PIK3C2G: variants seen among roughly 807,000 people sequenced by gnomAD.
The protein encoded by PIK3C2G is phosphatidylinositol-4-phosphate 3-kinase catalytic subunit type 2 gamma, also known as phosphatidylinositol 3-kinase C2 domain-containing subunit gamma.
A neutral mutation model predicts 181.1 loss-of-function variants in PIK3C2G; 168 were observed. That is an observed-to-expected ratio of 0.93 (90% CI 0.82 to 1.05). The LOEUF is 1.05. Ranked by LOEUF, PIK3C2G falls within the 50% of genes least tolerant of loss-of-function variation. The pLI, the probability that PIK3C2G is intolerant of heterozygous loss-of-function variation, is 0.00. For missense variants in PIK3C2G, 1,869 were observed against 1,732.8 expected (o/e 1.08, Z -1.40); for synonymous variants, 573 against 592.2 (o/e 0.97, Z 0.47).
chr12:18,540,618 A>T (rs2136248238), intron 25 of PIK3C2G, among the ~76,000 whole-genome samples: 1 of 152,020 alleles, frequency 6.6e-6, no homozygotes, highest in East Asian at 1.9e-4. Flanking sequence ...TATTTTATTC[A>T]TAAGTATTAA....
chr12:18,487,194 G>A (rs1019718382), intron 18 of PIK3C2G, among the ~76,000 whole-genome samples: 1 of 150,548 alleles, frequency 6.6e-6, no homozygotes, highest in Non-Finnish European at 1.5e-5. Flanking sequence ...TATTTCCTTT[G>A]AGAAAATAAA....
At chr12:18,500,521 G>A (rs1417209751) in intron 22 of PIK3C2G, among the ~76,000 whole-genome samples, 1 of 152,212 alleles carries the variant, frequency 6.6e-6, no homozygotes, top group African/African-American at 2.4e-5. Context: ...TAAGGGCTGA[G>A]GAGTGTGGGC....
intron 5 of PIK3C2G, among the ~76,000 whole-genome samples, chr12:18,297,468 T>C (rs939922496): frequency 1.9e-4 from 29 of 152,106 alleles, no homozygotes; most frequent in Non-Finnish European, 7.4e-5. Context: ...ACATAGAATG[T>C]ATAATGATCA....
intron 18 of PIK3C2G, among the ~76,000 whole-genome samples, chr12:18,432,247 A>T (rs1565716323): frequency 6.6e-6 from 1 of 152,232 alleles, no homozygotes; most frequent in Admixed American, 6.5e-5. Flanking sequence ...AAAGAGCTCC[A>T]GCATCAATGT....
chr12:18,682,889 T>G, the PIK3C2G span, among the ~76,000 whole-genome samples: 1 of 152,058 alleles, frequency 6.6e-6, no homozygotes, highest in African/African-American at 2.4e-5. Context: ...TTCACATTTC[T>G]TTTATACTGC....
downstream of PIK3C2G, among the ~76,000 whole-genome samples, chr12:18,650,318 TCTCTCTCTCTC>T (rs1950371067): frequency 9.5e-6 from 1 of 105,446 alleles, no homozygotes; most frequent in Non-Finnish European, 1.9e-5. Flanking sequence ...TCTCTCTCTC[TCTCTCTCTCTC>T]TCTATATATA....
At chr12:18,346,952 A>G in intron 11 of PIK3C2G, 116 bp downstream of exon 11, 1 of 557,036 alleles carries the variant, frequency 1.8e-6, no homozygotes, top group Non-Finnish European at 3.0e-6. Flanking sequence ...TTTGGAATTA[A>G]TCAGCATAGT....
At chr12:18,370,171 G>A (rs1012629811) in intron 12 of PIK3C2G, among the ~76,000 whole-genome samples, 1 of 152,144 alleles carries the variant, frequency 6.6e-6, no homozygotes, top group Non-Finnish European at 1.5e-5. Flanking sequence ...TATTAGGGAT[G>A]CCAGATCACA....
Position 18,382,645 on chromosome 12 carries a change from C to A in PIK3C2G, c.1995+765C>A, listed in dbSNP as rs189822090. Among the ~76,000 whole-genome samples, 786 of 152,236 alleles carry A rather than the reference C, an allele frequency of 5.2e-3. 3 individuals are homozygous for A. Among genetic ancestry groups the A allele is most frequent in the Non-Finnish European group, 8.4e-3 (571 of 68,026 alleles). On this transcript the variant is annotated intron_variant, in intron 14 of 32. Coordinates refer to ENST00000538779, the MANE Select transcript of PIK3C2G (RefSeq NM_001288772.2). Reference sequence around the variant, plus strand: ...AGAATGCTTTGTGGTGGGGGCTGCTCTGTGTATTTCAGGATGTTTAGCAAC... The same window carrying A: ...AGAATGCTTTGTGGTGGGGGCTGCTATGTGTATTTCAGGATGTTTAGCAAC...
intron 25 of PIK3C2G, among the ~76,000 whole-genome samples, chr12:18,542,646 G>C (rs190735562): frequency 2.6e-5 from 4 of 151,994 alleles, no homozygotes; most frequent in South Asian, 2.1e-4. Flanking sequence ...TCTTATAAGT[G>C]AGAATATGCA....
At chr12:18,636,461 C>T (rs758423456) in intron 31 of PIK3C2G, among the ~76,000 whole-genome samples, 1 of 152,118 alleles carries the variant, frequency 6.6e-6, no homozygotes, top group Non-Finnish European at 1.5e-5. Flanking sequence ...GAACTCCCGA[C>T]CTCATGTGAT....
chr12:18,664,402 T>C, the PIK3C2G span, among the ~76,000 whole-genome samples: 216 of 152,312 alleles, frequency 1.4e-3, 1 homozygote, highest in African/African-American at 5.0e-3. Context: ...ATAAGGAAAC[T>C]GTAGTTTATA....
intron 17 of PIK3C2G, among the ~76,000 whole-genome samples, chr12:18,423,031 T>G (rs904591437): frequency 1.3e-5 from 2 of 151,932 alleles, no homozygotes; most frequent in African/African-American, 4.8e-5. Flanking sequence ...GGCTAGCATA[T>G]TGAGGTGTTT....
chr12:18,508,551 C>A (rs1460457952), intron 24 of PIK3C2G, among the ~76,000 whole-genome samples: 1 of 152,138 alleles, frequency 6.6e-6, no homozygotes, highest in Non-Finnish European at 1.5e-5. Context: ...ATTTGTCCCA[C>A]ATTTATTATG....
intron 6 of PIK3C2G, 114 bp downstream of exon 6, chr12:18,314,178 T>A: frequency 1.7e-6 from 1 of 592,594 alleles, no homozygotes; most frequent in East Asian, 2.8e-5. Context: ...AATACATGTT[T>A]ATTTAAATAT....
At chr12:18,554,422 T>G (rs1944896166) in intron 26 of PIK3C2G, among the ~76,000 whole-genome samples, 1 of 152,090 alleles carries the variant, frequency 6.6e-6, no homozygotes, top group Non-Finnish European at 1.5e-5. Context: ...TCCTTTTTAG[T>G]ATCTTATTTT....
chr12:18,292,382 T>C (rs1262933368), intron 4 of PIK3C2G, among the ~76,000 whole-genome samples: 1 of 151,676 alleles, frequency 6.6e-6, no homozygotes, highest in Non-Finnish European at 1.5e-5. Context: ...TTGCTTCTCA[T>C]ATTCCTCTCA....
chr12:18,586,269 A>G (rs1004118020), intron 29 of PIK3C2G, among the ~76,000 whole-genome samples: 3 of 152,192 alleles, frequency 2.0e-5, no homozygotes, highest in Admixed American at 2.0e-4. Flanking sequence ...ACCTCAAAGA[A>G]TCAATCAATC....
At chr12:18,659,663 C>CTTTTTTTTT in the PIK3C2G span, among the ~76,000 whole-genome samples, 5 of 133,816 alleles carry the variant, frequency 3.7e-5, no homozygotes, top group Non-Finnish European at 4.8e-5. Flanking sequence ...GTTCTCCATT[C>CTTTTTTTTT]TTTTTTTTTT....
Sources: allele counts gnomAD v4.1 joint callset (sites outside exome capture counted in the v4.1 genomes callset), GRCh38; gene constraint gnomAD v4.1.1; transcripts MANE v1.5; gene names NCBI Gene and HGNC (gene_info 2026-07-23, HGNC 2026-07-21).